Variants in TRAPPC9 observed in about 807,000 individuals in gnomAD.
The protein encoded by TRAPPC9 is IKK2 binding protein.
TRAPPC9 carries 83 observed loss-of-function variants against 124.0 expected under a neutral mutation model. The ratio of observed to expected loss-of-function variants is 0.67; its 90% CI spans 0.56 to 0.80. TRAPPC9 has a LOEUF of 0.80. Among genes scored for constraint, TRAPPC9 ranks in the 30% least tolerant of loss-of-function variants. The pLI, the probability that TRAPPC9 is intolerant of heterozygous loss-of-function variation, is 0.00. For synonymous variants in TRAPPC9, 638 were observed against 617.5 expected (o/e 1.03, Z -0.49); for missense variants, 1,302 against 1,508.3 (o/e 0.86, Z 2.27).
intron 17 of TRAPPC9, chr8:140,099,554 T>C (rs1361259780): frequency 6.9e-6 from 1 of 144,348 alleles, no homozygotes; most frequent in Non-Finnish European, 1.5e-5. Context: ...TCCGCAGCCG[T>C]CCGCAGGGAA....
At chr8:140,394,125 T>C (rs968849511) in intron 7 of TRAPPC9, among the ~76,000 whole-genome samples, 4 of 152,238 alleles carry the variant, frequency 2.6e-5, no homozygotes, top group African/African-American at 9.6e-5. Flanking sequence ...TGTGTTTCTA[T>C]ACCCACCAGT....
chr8:140,267,568 G>C (rs72690646), intron 15 of TRAPPC9, among the ~76,000 whole-genome samples: 15,922 of 152,226 alleles, frequency 0.1, 1,089 homozygotes, highest in Admixed American at 0.17. Context: ...TCTTACACTT[G>C]GTGTGATTAT....
At chr8:140,246,636 AAT>A (rs1270421758) in intron 16 of TRAPPC9, among the ~76,000 whole-genome samples, 37 of 152,350 alleles carry the variant, frequency 2.4e-4, no homozygotes, top group African/African-American at 6.5e-4. Flanking sequence ...CTAGTTTCAG[AAT>A]ATGAGTACTA....
chr8:140,242,880 A>AT (rs2063893617), intron 16 of TRAPPC9, among the ~76,000 whole-genome samples: 1 of 152,206 alleles, frequency 6.6e-6, no homozygotes, highest in South Asian at 2.1e-4. Context: ...AGTAAGTGGC[A>AT]ACCACGGAGG....
At chr8:140,349,221 A>G (rs2067452353) in intron 9 of TRAPPC9, among the ~76,000 whole-genome samples, 1 of 78,608 alleles carries the variant, frequency 1.3e-5, no homozygotes, top group African/African-American at 5.0e-5. Flanking sequence ...AAGGGCACAG[A>G]AGGGGGCCGA....
At chr8:140,446,627 C>T (rs1282522289) in intron 2 of TRAPPC9, among the ~76,000 whole-genome samples, 1 of 152,138 alleles carries the variant, frequency 6.6e-6, no homozygotes, top group Non-Finnish European at 1.5e-5. Flanking sequence ...GAGCTCGGCT[C>T]ACTGCAACTT....
chr8:139,846,452 G>A (rs1322221757), intron 21 of TRAPPC9, among the ~76,000 whole-genome samples: 1 of 152,220 alleles, frequency 6.6e-6, no homozygotes, highest in African/African-American at 2.4e-5. Flanking sequence ...CGAACTGACT[G>A]CCTCTGGCAG....
At chr8:139,960,728 T>TG (rs1835326089) in intron 19 of TRAPPC9, among the ~76,000 whole-genome samples, 1 of 124,236 alleles carries the variant, frequency 8.0e-6, no homozygotes, top group East Asian at 2.3e-4. Flanking sequence ...GGTGACCATG[T>TG]GGGGGACACC....
At chr8:140,284,123 C>A in intron 13 of TRAPPC9, 102 bp from the exon 14 acceptor site, 11 of 1,536,920 alleles carry the variant, frequency 7.2e-6, no homozygotes, top group African/African-American at 1.4e-5. Flanking sequence ...TTCAGAAGAC[C>A]TGAGTTCCGA....
chr8:140,266,744 C>CAAGCTACTTGGGAGGCCG (rs369534166), intron 15 of TRAPPC9, among the ~76,000 whole-genome samples: 1 of 151,844 alleles, frequency 6.6e-6, no homozygotes, highest in African/African-American at 2.4e-5. Flanking sequence ...CCTGTAGTCC[C>CAAGCTACTTGGGAGGCCG]AGCTACTCGG....
At position 140,124,253 on chromosome 8, in the gene TRAPPC9, A is replaced by AG. The variant is rs542177438; in HGVS notation, c.2556+97205dup. 6.2e-3 allele frequency among the ~76,000 whole-genome samples: 945 copies of AG among 152,254 alleles called. 12 individuals are homozygous for AG. Among genetic ancestry groups the AG allele is most frequent in the African/African-American group, 0.022 (902 of 41,546 alleles). On this transcript the variant is annotated intron_variant, in intron 17 of 22. Coordinates refer to ENST00000438773, the MANE Select transcript of TRAPPC9 (RefSeq NM_001160372.4). ...GGGCTGCGTTCCTGGGGTAGGGTGC[A>AG]GGGGGGGCTCTGCCTGAGCCCCTTC... is the stretch of plus-strand genomic sequence containing the variant.
chr8:139,833,612 G>A (rs1293476187), intron 21 of TRAPPC9, among the ~76,000 whole-genome samples: 1 of 152,250 alleles, frequency 6.6e-6, no homozygotes, highest in African/African-American at 2.4e-5. Context: ...TTGACGGGTG[G>A]TTCACAGGCA....
intron 9 of TRAPPC9, 124 bp from the exon 10 acceptor site, chr8:140,311,498 G>T: frequency 1.7e-6 from 2 of 1,171,664 alleles, no homozygotes; most frequent in Non-Finnish European, 2.5e-6. Context: ...AAATGAAGGG[G>T]CAGTGAGCAA....
At chr8:140,275,181 G>A (rs750372045) in intron 15 of TRAPPC9, among the ~76,000 whole-genome samples, 1 of 152,160 alleles carries the variant, frequency 6.6e-6, no homozygotes, top group Non-Finnish European at 1.5e-5. Flanking sequence ...AGGCACAGGA[G>A]TAACAGTTCC....
chr8:140,306,926 G>A (rs1452657697), intron 10 of TRAPPC9, among the ~76,000 whole-genome samples: 1 of 152,140 alleles, frequency 6.6e-6, no homozygotes, highest in East Asian at 1.9e-4. Context: ...TGGGCCTTGG[G>A]TGTCATTTGC....
intron 19 of TRAPPC9, among the ~76,000 whole-genome samples, chr8:139,968,251 G>A (rs1480650918): frequency 4.6e-5 from 7 of 152,078 alleles, no homozygotes; most frequent in African/African-American, 7.2e-5. Context: ...TGAGAAACCC[G>A]CACCCCTGGC....
chr8:140,194,743 G>A (rs146269664), intron 17 of TRAPPC9, among the ~76,000 whole-genome samples: 30 of 152,264 alleles, frequency 2.0e-4, no homozygotes, highest in African/African-American at 7.0e-4. Flanking sequence ...GCATTTGTAT[G>A]CCTACACTTA....
intron 16 of TRAPPC9, among the ~76,000 whole-genome samples, chr8:140,233,218 T>A (rs2063644882): frequency 6.6e-6 from 1 of 152,180 alleles, no homozygotes; most frequent in Non-Finnish European, 1.5e-5. Context: ...ACTTTTTTTT[T>A]TTTTGAGACG....
chr8:139,899,311 C>T (rs1830871119), intron 20 of TRAPPC9, among the ~76,000 whole-genome samples: 1 of 152,030 alleles, frequency 6.6e-6, no homozygotes, highest in Non-Finnish European at 1.5e-5. Context: ...TTACAGATAA[C>T]ATAAACAGTA....
Sources: allele counts gnomAD v4.1 joint callset (sites outside exome capture counted in the v4.1 genomes callset), GRCh38; gene constraint gnomAD v4.1.1; transcripts MANE v1.5; gene names NCBI Gene and HGNC (gene_info 2026-07-23, HGNC 2026-07-21).